Variants in KCNH1 observed in about 807,000 individuals in gnomAD.
KCNH1 encodes the protein voltage-gated delayed rectifier potassium channel KCNH1.
A neutral mutation model predicts 69.2 loss-of-function variants in KCNH1; 27 were observed. The observed-to-expected ratio is 0.39, with a 90% CI of 0.29 to 0.54. The LOEUF is 0.54. Ranked by LOEUF, KCNH1 falls within the 20% of genes least tolerant of loss-of-function variation. The pLI is 0.68. For missense variants in KCNH1, 798 were observed against 1,261.6 expected (o/e 0.63, Z 5.57); for synonymous variants, 456 against 487.7 (o/e 0.93, Z 0.86).
At chr1:210,929,476 A>G (rs957241021) in intron 6 of KCNH1, among the ~76,000 whole-genome samples, 37 of 152,204 alleles carry the variant, frequency 2.4e-4, no homozygotes, top group Non-Finnish European at 2.8e-4. Flanking sequence ...AAAATTCAGC[A>G]TCGCTTTATG....
At chr1:210,912,636 A>G (rs745711139) in intron 7 of KCNH1, among the ~76,000 whole-genome samples, 8 of 152,110 alleles carry the variant, frequency 5.3e-5, no homozygotes, top group Non-Finnish European at 8.8e-5. Context: ...TTGTTTAAAC[A>G]CTCTGCATGG....
At chr1:210,995,258 T>C (rs1689008265) in intron 6 of KCNH1, among the ~76,000 whole-genome samples, 1 of 152,196 alleles carries the variant, frequency 6.6e-6, no homozygotes, top group South Asian at 2.1e-4. Flanking sequence ...TTGCCATTCT[T>C]CCTTTTTTCC....
intron 6 of KCNH1, among the ~76,000 whole-genome samples, chr1:210,924,044 T>C (rs1404982393): frequency 6.6e-6 from 1 of 152,194 alleles, no homozygotes. Context: ...ATACAGGGAC[T>C]GGAGTGATAC....
At chr1:210,917,485 AAAAC>A (rs775255014) in intron 7 of KCNH1, among the ~76,000 whole-genome samples, 11 of 152,204 alleles carry the variant, frequency 7.2e-5, no homozygotes, top group Non-Finnish European at 1.2e-4. Context: ...GGAAAACAAA[AAAAC>A]AAACAAACAA....
At chr1:211,105,411 A>C (rs1361975642) in intron 2 of KCNH1, among the ~76,000 whole-genome samples, 2 of 152,212 alleles carry the variant, frequency 1.3e-5, no homozygotes, top group African/African-American at 4.8e-5. Context: ...GTTTTCATTC[A>C]TCTTATGTAC....
At position 211,133,179 on chromosome 1, in the gene KCNH1, G is replaced by A. The variant is rs939040909; in HGVS notation, c.79+688C>T. 3 of 152,224 alleles carry A rather than the reference G, an allele frequency of 2.0e-5. No homozygotes were observed. Among genetic ancestry groups the A allele is most frequent in the Admixed American group, 6.5e-5 (1 of 15,282 alleles). 9.4% of individuals were successfully genotyped at this position (152,224 alleles called of 1,614,324 possible). A position where few individuals can be genotyped will look rare whatever the true frequency, so the allele number is the denominator to read the frequency against. ...GGTTTGGAAGAGGGGAAATATAACA[G>A]GTTTGTACCTGTGACCATTTAGTTC... On this transcript the variant is annotated intron_variant, in intron 1 of 10. Transcript: ENST00000271751. The surrounding 1 kb of genome is among the most constrained non-coding windows in gnomAD (Gnocchi z 5.4).
chr1:211,057,770 T>C (rs1690340545), intron 5 of KCNH1, among the ~76,000 whole-genome samples: 1 of 151,780 alleles, frequency 6.6e-6, no homozygotes, highest in Non-Finnish European at 1.5e-5. Context: ...AAAGAGGAGA[T>C]GGGACGACAG....
chr1:211,019,728 T>C (rs1689554288), intron 5 of KCNH1, among the ~76,000 whole-genome samples: 1 of 152,232 alleles, frequency 6.6e-6, no homozygotes, highest in South Asian at 2.1e-4. Flanking sequence ...ACATGGAACA[T>C]TCTCCAGGAT....
chr1:211,133,991 T>C lies in KCNH1; in HGVS notation c.-46A>G, dbSNP rs748268665. 1.7e-5 allele frequency: 27 copies of C among 1,555,544 alleles called. No individual in the cohort carries two copies. Among genetic ancestry groups the C allele is most frequent in the Non-Finnish European group, 1.8e-6 (2 of 1,131,056 alleles). On this transcript the variant is annotated 5_prime_UTR_variant, in exon 1 of 11. An upstream open reading frame in the 5' UTR loses its in-frame stop. Transcript: ENST00000271751. The surrounding 1 kb of genome is among the most constrained non-coding windows in gnomAD (Gnocchi z 5.4). ...CGGCGGGCGTCCTGGCGCGGCTTCT[T>C]ACGACAGCAGGAAACTGGCCTCGGG...
At chr1:210,719,950 T>C (rs1682412891) in intron 10 of KCNH1, among the ~76,000 whole-genome samples, 1 of 152,140 alleles carries the variant, frequency 6.6e-6, no homozygotes, top group Admixed American at 6.6e-5. Context: ...TTTCTAGCGC[T>C]ATGTGTGTAA....
At chr1:210,942,403 A>T (rs566204710) in intron 6 of KCNH1, among the ~76,000 whole-genome samples, 401 of 152,312 alleles carry the variant, frequency 2.6e-3, no homozygotes, top group African/African-American at 9.2e-3. Context: ...TAAAGTAGGA[A>T]AAATGCATGT....
chr1:211,133,978 T>A lies in KCNH1; in HGVS notation c.-33A>T. 1 of 1,589,282 alleles carries A rather than the reference T, an allele frequency of 6.3e-7. No homozygotes were observed. On this transcript the variant is annotated 5_prime_UTR_variant, in exon 1 of 11. Coordinates refer to ENST00000271751, the MANE Select transcript of KCNH1 (RefSeq NM_172362.3). The surrounding 1 kb of genome is among the most constrained non-coding windows in gnomAD (Gnocchi z 5.4). Reference sequence around the variant, plus strand: ...GCAGCTCGGGGTCCGGCGGGCGTCCTGGCGCGGCTTCTTACGACAGCAGGA... The same window carrying A: ...GCAGCTCGGGGTCCGGCGGGCGTCCAGGCGCGGCTTCTTACGACAGCAGGA...
intron 5 of KCNH1, among the ~76,000 whole-genome samples, chr1:211,077,127 C>T (rs1331217755): frequency 2.0e-5 from 3 of 152,124 alleles, no homozygotes; most frequent in South Asian, 4.1e-4. Flanking sequence ...ACCAAATCTA[C>T]ATTTGATTGG....
At chr1:210,905,347 G>T (rs930533647) in intron 7 of KCNH1, among the ~76,000 whole-genome samples, 1 of 152,086 alleles carries the variant, frequency 6.6e-6, no homozygotes, top group Non-Finnish European at 1.5e-5. Context: ...ATAAATTTTA[G>T]CTCTTACTAT....
At chr1:211,085,587 G>T (rs1690937900) in intron 4 of KCNH1, among the ~76,000 whole-genome samples, 1 of 152,072 alleles carries the variant, frequency 6.6e-6, no homozygotes, top group African/African-American at 2.4e-5. Context: ...GTCAAGGGGA[G>T]ACTTGAGGGC....
At position 210,988,620 on chromosome 1, in the gene KCNH1, C is replaced by G. The variant is rs151128481; in HGVS notation, c.1032+30163G>C. Among the ~76,000 whole-genome samples the G allele has an allele frequency of 7.6e-4, 115 of 152,154 alleles. 1 individual carries two copies. Among genetic ancestry groups the G allele is most frequent in the African/African-American group, 2.6e-3 (109 of 41,512 alleles). On this transcript the variant is annotated intron_variant, in intron 6 of 10. Transcript: ENST00000271751. ...AAGCAACATATTTGAAAGTATTGCC[C>G]CAAGACCTAATAAATGACCATGACG...
chr1:211,081,361 CT>C (rs1690855572), intron 5 of KCNH1, among the ~76,000 whole-genome samples: 1 of 152,196 alleles, frequency 6.6e-6, no homozygotes, highest in East Asian at 1.9e-4. Context: ...CACTTCTACA[CT>C]GTTGGTGGGA....
intron 5 of KCNH1, among the ~76,000 whole-genome samples, chr1:211,054,198 C>T (rs1396537462): frequency 6.6e-6 from 1 of 151,960 alleles, no homozygotes; most frequent in Non-Finnish European, 1.5e-5. Flanking sequence ...AAGAGAATCT[C>T]TTGAACCTGG....
At chr1:210,973,284 A>T (rs892906657) in intron 6 of KCNH1, among the ~76,000 whole-genome samples, 7 of 152,146 alleles carry the variant, frequency 4.6e-5, no homozygotes, top group African/African-American at 1.7e-4. Flanking sequence ...GAGATCGATC[A>T]CCTTCTAAGC....
Sources: gnomAD v4.1 joint callset for allele counts (sites outside exome capture counted in the v4.1 genomes callset) on GRCh38, gnomAD v4.1.1 for gene constraint, Gnocchi (gnomAD v3.1) non-coding constraint, MANE v1.5 for transcripts, NCBI Gene and HGNC (gene_info 2026-07-23, HGNC 2026-07-21) for gene names.